ESRRG: variants seen among roughly 807,000 people sequenced by gnomAD.
ESRRG encodes estrogen-related receptor gamma.
ESRRG carries 13 observed loss-of-function variants against 44.0 expected under a neutral mutation model. The ratio of observed to expected loss-of-function variants is 0.30; its 90% CI spans 0.19 to 0.47. The LOEUF is 0.47. Among genes scored for constraint, ESRRG ranks in the 20% least tolerant of loss-of-function variants. The pLI is 1.00. For missense variants in ESRRG, 395 were observed against 580.6 expected, an observed-to-expected ratio of 0.68 and a Z score of 3.29; for synonymous variants, 215 against 214.6, an observed-to-expected ratio of 1.00 and a Z score of -0.02.
intron 1 of ESRRG, among the ~76,000 whole-genome samples, chr1:217,071,033 CTCTT>C (rs1235808462): frequency 6.6e-6 from 1 of 152,100 alleles, no homozygotes; most frequent in Non-Finnish European, 1.5e-5. Flanking sequence ...CTTCCTCCTC[CTCTT>C]TCTTCTCCTC....
At chr1:216,760,266 A>AC (rs11390621) in intron 2 of ESRRG, among the ~76,000 whole-genome samples, 77,355 of 151,656 alleles carry the variant, frequency 0.51, 20,900 homozygotes, top group African/African-American at 0.68. Context: ...CCAATAAAAA[A>AC]ATCTCAAATT....
At chr1:216,597,384 C>A (rs2058591000) in intron 3 of ESRRG, among the ~76,000 whole-genome samples, 1 of 152,102 alleles carries the variant, frequency 6.6e-6, no homozygotes, top group African/African-American at 2.4e-5. Flanking sequence ...AAAGAAGGAA[C>A]TTGGGCATCA....
At chr1:216,687,191 G>GA (rs1396242586) in intron 1 of ESRRG, among the ~76,000 whole-genome samples, 2 of 152,142 alleles carry the variant, frequency 1.3e-5, no homozygotes, top group African/African-American at 4.8e-5. Context: ...GACAGACAGA[G>GA]ACGTGATCAT....
At chr1:216,716,058 C>CA (rs1363697708) in intron 1 of ESRRG, among the ~76,000 whole-genome samples, 2 of 151,570 alleles carry the variant, frequency 1.3e-5, no homozygotes, top group Non-Finnish European at 2.9e-5. Flanking sequence ...TTTTGTTTTC[C>CA]AGAAAACATA....
chr1:216,795,858 T>C (rs2094457895), intron 2 of ESRRG, among the ~76,000 whole-genome samples: 1 of 152,090 alleles, frequency 6.6e-6, no homozygotes, highest in African/African-American at 2.4e-5. Context: ...CCATGGTATA[T>C]GAAGTTGCAA....
chr1:216,694,949 G>A (rs1159847885), intron 1 of ESRRG, among the ~76,000 whole-genome samples: 1 of 151,930 alleles, frequency 6.6e-6, no homozygotes, highest in Non-Finnish European at 1.5e-5. Context: ...CCTATAACCT[G>A]GTAAACAAAA....
chr1:216,703,677 GTGTGTGTA>G (rs772011511), intron 1 of ESRRG, among the ~76,000 whole-genome samples: 1 of 127,258 alleles, frequency 7.9e-6, no homozygotes, highest in Non-Finnish European at 1.6e-5. Flanking sequence ...GTGTGTGTGT[GTGTGTGTA>G]TGTTTGTGTG....
At chr1:216,873,378 A>C (rs1239808170) in intron 2 of ESRRG, among the ~76,000 whole-genome samples, 1 of 151,692 alleles carries the variant, frequency 6.6e-6, no homozygotes, top group East Asian at 1.9e-4. Flanking sequence ...CACCCGGCTA[A>C]TTTTTGTATT....
intron 1 of ESRRG, among the ~76,000 whole-genome samples, chr1:217,120,128 T>C (rs1204633150): frequency 6.6e-6 from 1 of 152,114 alleles, no homozygotes; most frequent in Non-Finnish European, 1.5e-5. Flanking sequence ...CTCTTAGATT[T>C]CTCCAAGGCA....
intron 1 of ESRRG, among the ~76,000 whole-genome samples, chr1:216,960,229 G>A (rs984872718): frequency 8.6e-5 from 13 of 151,862 alleles, no homozygotes; most frequent in African/African-American, 2.9e-4. Context: ...AATCATTAGC[G>A]ACTACATGTA....
At chr1:216,549,965 T>C (rs1447809425) in intron 5 of ESRRG, among the ~76,000 whole-genome samples, 1 of 152,166 alleles carries the variant, frequency 6.6e-6, no homozygotes, top group East Asian at 1.9e-4. Context: ...TTCTGTCATG[T>C]TGGCATCTGA....
Position 216,564,305 on chromosome 1 carries a change from T to C in ESRRG, c.776A>G (p.Asp259Gly). ...TGTAGTGAGGGCTTTGATGTCACTG[T>C]CGGGGACAGTAGGGTCAGGCATGGC... The part of the protein sequence containing the change: ...IYAMPDPTVP[D>G]SDIKALTTLC... Residue 259 changes from aspartate to glycine, a missense_variant, in exon 5 of 7, where the codon GAC (aspartate) becomes GGC (glycine). Physicochemically the swap from Asp to Gly is moderately conservative, Grantham distance 94. This residue lies in a region of ESRRG where 167 missense variants were observed against 251.8 expected (regional missense o/e 0.66). Coordinates refer to ENST00000408911, the MANE Select transcript of ESRRG (RefSeq NM_001438.4). 2 of 1,612,138 alleles carry C rather than the reference T, an allele frequency of 1.2e-6. No homozygotes were observed. Among genetic ancestry groups the C allele is most frequent in the Admixed American group, 1.7e-5 (1 of 59,872 alleles).
chr1:216,704,240 G>A (rs1344497895), intron 1 of ESRRG, among the ~76,000 whole-genome samples: 3 of 152,246 alleles, frequency 2.0e-5, no homozygotes, highest in South Asian at 2.1e-4. Flanking sequence ...TCGGCTGGGC[G>A]CGGTGGCTCA....
chr1:216,582,166 T>C (rs1271047844), intron 3 of ESRRG, among the ~76,000 whole-genome samples: 2 of 152,322 alleles, frequency 1.3e-5, no homozygotes, highest in East Asian at 3.9e-4. Context: ...TAATAATGTA[T>C]AAAATACATG....
intron 1 of ESRRG, among the ~76,000 whole-genome samples, chr1:217,122,382 AC>A (rs1358118982): frequency 6.6e-6 from 1 of 152,002 alleles, no homozygotes; most frequent in Non-Finnish European, 1.5e-5. Flanking sequence ...TCCTGGCCCC[AC>A]CTCCTATTAG....
At chr1:216,795,044 G>A (rs1163108044) in intron 2 of ESRRG, among the ~76,000 whole-genome samples, 1 of 152,110 alleles carries the variant, frequency 6.6e-6, no homozygotes, top group Non-Finnish European at 1.5e-5. Flanking sequence ...GAAAAGCACT[G>A]AATGGGGTGG....
At chr1:216,841,606 G>C (rs2095654251) in intron 2 of ESRRG, among the ~76,000 whole-genome samples, 1 of 152,108 alleles carries the variant, frequency 6.6e-6, no homozygotes, top group Non-Finnish European at 1.5e-5. Context: ...GACAGTGGCA[G>C]GCCAGGTGAA....
chr1:216,527,588 T>C (rs10495026), intron 5 of ESRRG, among the ~76,000 whole-genome samples: 52,538 of 151,900 alleles, frequency 0.35, 9,250 homozygotes, highest in Non-Finnish European at 0.36. Context: ...GTGAGCTCAT[T>C]TTCCTAATCC....
chr1:216,611,714 C>G (rs1371119151), intron 3 of ESRRG, among the ~76,000 whole-genome samples: 1 of 151,534 alleles, frequency 6.6e-6, no homozygotes, highest in Non-Finnish European at 1.5e-5. Flanking sequence ...CCGGGGGACT[C>G]TAATAACTCA....
Sources: allele counts gnomAD v4.1 joint callset (sites outside exome capture counted in the v4.1 genomes callset), GRCh38; gene constraint gnomAD v4.1.1; regional missense constraint gnomAD v4.1.1; transcripts MANE v1.5; gene names NCBI Gene and HGNC (gene_info 2026-07-23, HGNC 2026-07-21).